Variants in CALN1 observed in about 807,000 individuals in gnomAD.
The protein encoded by CALN1 is calneuron 1.
In CALN1, 17 loss-of-function variants were observed where a neutral mutation model predicts 30.6. The observed-to-expected ratio is 0.56, with a 90% confidence interval of 0.38 to 0.83. The LOEUF is 0.83. Among genes scored for constraint, CALN1 ranks in the 40% least tolerant of loss-of-function variants. The pLI is 0.00. For missense variants in CALN1, 291 were observed against 354.9 expected (o/e 0.82, Z 1.45); for synonymous variants, 156 against 131.4 (o/e 1.19, Z -1.28).
At chr7:71,942,888 T>C (rs1435603320) in intron 5 of CALN1, among the ~76,000 whole-genome samples, 1 of 152,182 alleles carries the variant, frequency 6.6e-6, no homozygotes, top group Non-Finnish European at 1.5e-5. Context: ...CATATCTGAT[T>C]TGCCTCCTTT....
Position 72,232,502 on chromosome 7 carries a change from C to T in CALN1, c.244+46184G>A, listed in dbSNP as rs573909927. ...TTGAGACGGAGTCTCACTCTGTTGCCCAGGCTGTAGTGCAGTGGCACCATC... is the reference window on the plus strand; with the variant it reads ...TTGAGACGGAGTCTCACTCTGTTGCTCAGGCTGTAGTGCAGTGGCACCATC... On this transcript the variant is annotated intron_variant, in intron 3 of 6. Coordinates refer to ENST00000395275, the MANE Select transcript of CALN1 (RefSeq NM_031468.4). Among the ~76,000 whole-genome samples, 12 of 152,206 alleles carry T rather than the reference C, an allele frequency of 7.9e-5. No individual in the cohort carries two copies. In the South Asian group the frequency reaches 2.3e-3, roughly 29 times the overall value.
At position 72,376,648 on chromosome 7, in the gene CALN1, T is replaced by G. The variant is rs1276673663; in HGVS notation, c.119+26603A>C. 2.0e-5 allele frequency among the ~76,000 whole-genome samples: 3 copies of G among 152,254 alleles called. No homozygotes were observed. The East Asian group carries it at 5.8e-4, about 29-fold the overall frequency. The stretch of plus-strand genomic sequence containing the variant: ...TTTACTTGCAAATATTTTATCCCAT[T>G]CTGTGGGTTATCTTTTCACTTTCTT... On this transcript the variant is annotated intron_variant, in intron 2 of 6. Transcript: ENST00000395275.
intron 4 of CALN1, among the ~76,000 whole-genome samples, chr7:72,036,736 C>G (rs984971666): frequency 7.9e-5 from 12 of 152,146 alleles, no homozygotes; most frequent in Non-Finnish European, 1.5e-4. Context: ...TCTTGACTTT[C>G]TCAATGTCTT....
chr7:72,055,544 ATAAT>A (rs1299964726), intron 4 of CALN1, among the ~76,000 whole-genome samples: 1 of 152,206 alleles, frequency 6.6e-6, no homozygotes, highest in Non-Finnish European at 1.5e-5. Context: ...AAACATATGA[ATAAT>A]TAACAAATCT....
At chr7:72,443,089 T>C (rs1341730758) in intron 1 of CALN1, among the ~76,000 whole-genome samples, 4 of 152,268 alleles carry the variant, frequency 2.6e-5, no homozygotes, top group Non-Finnish European at 1.5e-5. Context: ...TATTAAGGGT[T>C]GCACAGACAC....
At chr7:72,156,934 G>A (rs75372029) in intron 3 of CALN1, among the ~76,000 whole-genome samples, 2,083 of 152,294 alleles carry the variant, frequency 0.014, 23 homozygotes, top group Non-Finnish European at 0.019. Context: ...GCTGAGTGTT[G>A]AGAGGATGCC....
intron 2 of CALN1, among the ~76,000 whole-genome samples, chr7:72,283,901 A>G (rs1311987947): frequency 6.6e-6 from 1 of 152,176 alleles, no homozygotes; most frequent in Non-Finnish European, 1.5e-5. Context: ...GGCTGGCTGA[A>G]TTGTCATATC....
At chr7:72,225,006 G>A (rs1156530245) in intron 3 of CALN1, among the ~76,000 whole-genome samples, 4 of 151,708 alleles carry the variant, frequency 2.6e-5, no homozygotes, top group African/African-American at 9.7e-5. Flanking sequence ...GCTGAGGCAG[G>A]AGAACGGCAT....
At chr7:72,460,102 A>C in the CALN1 span, among the ~76,000 whole-genome samples, 1 of 152,078 alleles carries the variant, frequency 6.6e-6, no homozygotes, top group Non-Finnish European at 1.5e-5. Context: ...CCCTTTAAAC[A>C]ACCACATCTT....
Position 72,119,039 on chromosome 7 carries a change from T to C in CALN1, c.245-12745A>G, listed in dbSNP as rs569128259. On this transcript the variant is annotated intron_variant, in intron 3 of 6. Transcript: ENST00000395275. Reference sequence around the variant, plus strand: ...TATATATTTTGGAAGACTGTAAGAATAGACATCAAAATATTAACAGTGAAC... The same window carrying C: ...TATATATTTTGGAAGACTGTAAGAACAGACATCAAAATATTAACAGTGAAC... Among the ~76,000 whole-genome samples the C allele has an allele frequency of 7.2e-5, 11 of 152,342 alleles. No individual in the cohort carries two copies. The East Asian group carries it at 1.5e-3, about 21-fold the overall frequency.
rs545795279 is a variant in CALN1, at chr7:72,399,062, G to A, written c.119+4189C>T. ...AACTTTGAGAAAAAGGAGTAGAAGA[G>A]AAGGAGGTCACCATCTACAGGTCAC... On this transcript the variant is annotated intron_variant, in intron 2 of 6. Transcript: ENST00000395275. Among the ~76,000 whole-genome samples, 737 of 152,190 alleles carry A rather than the reference G, an allele frequency of 4.8e-3. 9 individuals are homozygous for A. Among genetic ancestry groups the A allele is most frequent in the African/African-American group, 0.017 (709 of 41,486 alleles).
the CALN1 span, among the ~76,000 whole-genome samples, chr7:72,498,023 A>G: frequency 6.6e-6 from 1 of 152,210 alleles, no homozygotes; most frequent in African/African-American, 2.4e-5. Context: ...GAAAAATACA[A>G]TATGAGAAAT....
intron 4 of CALN1, among the ~76,000 whole-genome samples, chr7:72,091,181 A>T (rs977621128): frequency 2.0e-5 from 3 of 152,166 alleles, no homozygotes; most frequent in African/African-American, 7.2e-5. Context: ...ATACAAAAAA[A>T]ATTAGCCAGG....
intron 6 of CALN1, among the ~76,000 whole-genome samples, chr7:71,797,389 A>C (rs1026184021): frequency 2.0e-5 from 3 of 152,170 alleles, no homozygotes; most frequent in Admixed American, 1.3e-4. Context: ...TTATGATTCT[A>C]TGAAATTGGC....
intron 3 of CALN1, among the ~76,000 whole-genome samples, chr7:72,245,509 C>T (rs566193238): frequency 2.0e-5 from 3 of 152,094 alleles, no homozygotes; most frequent in Non-Finnish European, 4.4e-5. Context: ...ATCCCAGCTA[C>T]TCAGGAGGCT....
At chr7:72,269,809 G>T (rs952894666) in intron 3 of CALN1, among the ~76,000 whole-genome samples, 2 of 152,074 alleles carry the variant, frequency 1.3e-5, no homozygotes, top group Non-Finnish European at 2.9e-5. Flanking sequence ...AAAGAAAAAA[G>T]AAAATCTGAC....
At position 72,258,361 on chromosome 7, in the gene CALN1, G is replaced by C. The variant is rs571582836; in HGVS notation, c.244+20325C>G. Among the ~76,000 whole-genome samples the C allele has an allele frequency of 4.6e-5, 7 of 152,126 alleles. No homozygotes were observed. The South Asian group carries it at 1.2e-3, about 27-fold the overall frequency. The stretch of plus-strand genomic sequence containing the variant: ...CTGATACCCTGAAAAAGAGATTTGT[G>C]TGGCCAGGAGCCAGAGTGAACTTCC... On this transcript the variant is annotated intron_variant, in intron 3 of 6. Coordinates refer to ENST00000395275, the MANE Select transcript of CALN1 (RefSeq NM_031468.4).
chr7:71,827,194 C>T (rs952798064), intron 5 of CALN1, among the ~76,000 whole-genome samples: 1 of 152,156 alleles, frequency 6.6e-6, no homozygotes, highest in Non-Finnish European at 1.5e-5. Context: ...ATACAGACAG[C>T]TTGTCTGGGA....
At chr7:72,132,698 T>C (rs1255605630) in intron 3 of CALN1, among the ~76,000 whole-genome samples, 1 of 152,142 alleles carries the variant, frequency 6.6e-6, no homozygotes, top group African/African-American at 2.4e-5. Context: ...TACTGGAGTG[T>C]GTTAACTCCA....
Sources: gnomAD v4.1 joint callset for allele counts (sites outside exome capture counted in the v4.1 genomes callset) on GRCh38, gnomAD v4.1.1 for gene constraint, MANE v1.5 for transcripts, NCBI Gene and HGNC (gene_info 2026-07-23, HGNC 2026-07-21) for gene names.